The following HOXB1 variants were observed in gnomAD, a reference collection of about 807,000 sequenced individuals.
The protein encoded by HOXB1 is homeobox B1.
In HOXB1, 13 loss-of-function variants were observed where a neutral mutation model predicts 26.9. The ratio of observed to expected loss-of-function variants is 0.48; its 90% CI spans 0.31 to 0.77. The LOEUF is 0.77. Among genes scored for constraint, HOXB1 ranks in the 30% least tolerant of loss-of-function variants. HOXB1 has a pLI of 0.04. For synonymous variants in HOXB1, 168 were observed against 170.8 expected (o/e 0.98, Z 0.13); for missense variants, 366 against 403.6 (o/e 0.91, Z 0.80).
chr17:48,529,479 A>T lies in HOXB1; in HGVS notation c.*68T>A. 8.2e-7 allele frequency: 1 copy of T among 1,218,842 alleles called. No individual in the cohort carries two copies. Among genetic ancestry groups the T allele is most frequent in the Non-Finnish European group, 1.1e-6 (1 of 896,788 alleles). 75.5% of individuals were successfully genotyped at this position (1,218,842 alleles called of 1,614,324 possible). ...GTGAAGCCCAGGCCTGGGGTTGGGGAGAGCCTGGGATAGGGCTGGACTGGG... is the reference window on the plus strand; with the variant it reads ...GTGAAGCCCAGGCCTGGGGTTGGGGTGAGCCTGGGATAGGGCTGGACTGGG... On this transcript the variant is annotated 3_prime_UTR_variant, in exon 2 of 2. Transcript: ENST00000239174.
Position 48,529,617 on chromosome 17 carries a change from G to T in HOXB1, c.836C>A (p.Ala279Glu), listed in dbSNP as rs757584432. The T allele has an allele frequency of 1.1e-5, 17 of 1,591,218 alleles. No individual in the cohort carries two copies. The highest frequency in any genetic ancestry group is 1.5e-5 in the Non-Finnish European group (17 of 1,165,778). The change falls in exon 2 of 2, where the codon GCA (alanine) becomes GAA (glutamate). Residue 279 changes from alanine (A) to glutamate (E), a missense_variant. Ala to Glu is a moderately radical substitution (Grantham distance 107, BLOSUM62 -1). Transcript: ENST00000239174. ...PPAPPGCPKE[A>E]AGDASDQSTC... Reference sequence around the variant, plus strand: ...CGACTGGTCTGAGGCATCTCCAGCTGCCTCCTTGGGGCAGCCTGGTGGGGC... The same window carrying T: ...CGACTGGTCTGAGGCATCTCCAGCTTCCTCCTTGGGGCAGCCTGGTGGGGC...
Position 48,529,838 on chromosome 17 carries a change from G to C in HOXB1, c.615C>G (p.Gly205=). 1 of 1,595,960 alleles carries C rather than the reference G, an allele frequency of 6.3e-7. No individual in the cohort carries two copies. The highest frequency in any genetic ancestry group is 8.5e-7 in the Non-Finnish European group (1 of 1,176,386). ...VSEPGLGSPS[G]LRTNFTTRQL... ...GCCTTGTGGTGAAGTTGGTGCGGAG[G>C]CCACTGGGCGAGCCCAGGCCTGGCT... is the stretch of plus-strand genomic sequence containing the variant. The change falls in exon 2 of 2, where the codon GGC becomes GGG. Residue 205 remains glycine (G), a synonymous_variant. Coordinates refer to ENST00000239174, the MANE Select transcript of HOXB1 (RefSeq NM_002144.4).
Position 48,529,614 on chromosome 17 carries a change from G to T in HOXB1, c.839C>A (p.Ala280Asp), listed in dbSNP as rs2068420454. ...TGTCGACTGGTCTGAGGCATCTCCA[G>T]CTGCCTCCTTGGGGCAGCCTGGTGG... ...PAPPGCPKEA[A>D]GDASDQSTCT... Residue 280 changes from alanine to aspartate, a missense_variant, in exon 2 of 2, where the codon GCT becomes GAT. By Grantham distance (126) the Ala-to-Asp change is moderately radical (BLOSUM62 -2). Transcript: ENST00000239174. 6.3e-7 allele frequency: 1 copy of T among 1,588,852 alleles called. No individual in the cohort carries two copies. The highest frequency in any genetic ancestry group is 1.1e-5 in the South Asian group (1 of 88,068).
In HOXB1 at chr17:48,530,824, G is replaced by A; in HGVS notation, c.81C>T (p.Ala27=). 6.3e-7 allele frequency: 1 copy of A among 1,578,072 alleles called. No homozygotes were observed. The highest frequency in any genetic ancestry group is 1.2e-5 in the South Asian group (1 of 84,068). The part of the protein sequence containing the change: ...RGPSAYSAHS[A]PTSFPPSSAQ... ...CCGAGCTTGGGGGAAAGGAGGTTGG[G>A]GCGCTGTGGGCGCTGTAGGCGCTGG... The change falls in exon 1 of 2, where the codon GCC becomes GCT. Residue 27 remains alanine, a synonymous_variant. Coordinates refer to ENST00000239174, the MANE Select transcript of HOXB1 (RefSeq NM_002144.4). The surrounding 1 kb of genome is among the most constrained non-coding windows in gnomAD (Gnocchi z 6.2).
Position 48,530,563 on chromosome 17 carries a change from C to G in HOXB1, c.342G>C (p.Ser114=). The G allele has an allele frequency of 6.2e-7, 1 of 1,614,078 alleles. No homozygotes were observed. The highest frequency in any genetic ancestry group is 8.5e-7 in the Non-Finnish European group (1 of 1,180,002). The change falls in exon 1 of 2, where the codon TCG becomes TCC. Residue 114 remains serine, a synonymous_variant. Coordinates refer to ENST00000239174, the MANE Select transcript of HOXB1 (RefSeq NM_002144.4). This position sits in a 1 kb window ranked among gnomAD's most constrained non-coding sequence, Gnocchi z 6.2. ...SEGDGGYFHP[S]SYGAQLGGLS... is the part of the protein sequence containing the mutation. ...AGCCCCCTAGCTGGGCCCCGTAGCT[C>G]GAGGGATGAAAATAGCCTCCGTCTC...
Position 48,530,225 on chromosome 17 carries a change from C to A in HOXB1, c.577+103G>T. ...GTGCTCTTACCTGTGTCTACCAGAGCCGCTGAAAGAGAAGAACCCAGCCCA... is the reference window on the plus strand; with the variant it reads ...GTGCTCTTACCTGTGTCTACCAGAGACGCTGAAAGAGAAGAACCCAGCCCA... On this transcript the variant is annotated intron_variant, in intron 1 of 1. Transcript: ENST00000239174. This position sits in a 1 kb window ranked among gnomAD's most constrained non-coding sequence, Gnocchi z 6.2. 1 of 1,017,982 alleles carries A rather than the reference C, an allele frequency of 9.8e-7. No individual in the cohort carries two copies. Among genetic ancestry groups the A allele is most frequent in the Admixed American group, 2.2e-5 (1 of 46,394 alleles). 63.1% of individuals were successfully genotyped at this position (1,017,982 alleles called of 1,614,324 possible). A position where few individuals can be genotyped will look rare whatever the true frequency, so the allele number is the denominator to read the frequency against.
chr17:48,529,565 G>A lies in HOXB1; in HGVS notation c.888C>T (p.Pro296=). The change falls in exon 2 of 2, where the codon CCC becomes CCT. Residue 296 remains proline (P), a synonymous_variant. Transcript: ENST00000239174. ...GTTCAGTTCAGGAGGTGACAGAGCTGGGTGAGGCTTCCGGGGAGGTGCATG... is the reference window on the plus strand; with the variant it reads ...GTTCAGTTCAGGAGGTGACAGAGCTAGGTGAGGCTTCCGGGGAGGTGCATG... The part of the protein sequence containing the change: ...QSTCTSPEAS[P]SSVTS The A allele has an allele frequency of 6.5e-7, 1 of 1,533,382 alleles. No individual in the cohort carries two copies. Among genetic ancestry groups the A allele is most frequent in the Non-Finnish European group, 8.8e-7 (1 of 1,138,542 alleles). The allele number at this position is 1,533,382 out of a possible 1,614,324, so 95.0% of individuals were successfully genotyped here.
Sources: gnomAD v4.1 joint callset for allele counts on GRCh38, gnomAD v4.1.1 for gene constraint, Gnocchi (gnomAD v3.1) non-coding constraint, MANE v1.5 for transcripts, NCBI Gene and HGNC (gene_info 2026-07-23, HGNC 2026-07-21) for gene names.